Variants in ARHGAP6 observed in about 807,000 individuals in gnomAD.
ARHGAP6 encodes the protein Rho GTPase activating protein 6.
ARHGAP6 carries 16 observed loss-of-function variants against 55.7 expected under a neutral mutation model. That is an observed-to-expected ratio of 0.29 (90% CI 0.19 to 0.44). The LOEUF (loss-of-function observed/expected upper bound fraction) is 0.44, where lower values mean the gene tolerates loss of function less well. Among genes scored for constraint, ARHGAP6 ranks in the 20% least tolerant of loss-of-function variants. The pLI is 1.00. For synonymous variants in ARHGAP6, 382 were observed against 360.9 expected (o/e 1.06, Z -0.66); for missense variants, 698 against 808.9 (o/e 0.86, Z 1.66).
chrX:11,347,513 T>C (rs2048804399), intron 1 of ARHGAP6, among the ~76,000 whole-genome samples: 1 of 112,305 alleles, frequency 8.9e-6, no homozygotes, highest in South Asian at 3.7e-4. Flanking sequence ...GCTATGGTTG[T>C]CAAGGCAACT....
intron 1 of ARHGAP6, among the ~76,000 whole-genome samples, chrX:11,272,128 C>T (rs749423127): frequency 5.0e-4 from 56 of 111,890 alleles, no homozygotes; most frequent in Non-Finnish European, 3.4e-4. Flanking sequence ...ACTAGCCACC[C>T]GTGGCTAATG....
intron 1 of ARHGAP6, chrX:11,298,911 A>G (rs1428484827): frequency 1.7e-6 from 2 of 1,208,630 alleles, no homozygotes; most frequent in African/African-American, 1.8e-5. Flanking sequence ...CCTGCCTCCC[A>G]TGCTTCCTGA....
intron 1 of ARHGAP6, chrX:11,296,915 A>T (rs1278714205): frequency 2.7e-5 from 29 of 1,090,306 alleles, no homozygotes; most frequent in Non-Finnish European, 3.6e-5. Context: ...TCTTTATCCC[A>T]GATGTTTCTC....
At chrX:11,436,029 T>TC (rs1249850141) in intron 1 of ARHGAP6, among the ~76,000 whole-genome samples, 1 of 112,467 alleles carries the variant, frequency 8.9e-6, no homozygotes, top group East Asian at 2.8e-4. Context: ...CAAAATTTTT[T>TC]CTCACATTAA....
At chrX:11,397,009 G>A (rs1040539850) in intron 1 of ARHGAP6, among the ~76,000 whole-genome samples, 1 of 111,345 alleles carries the variant, frequency 9.0e-6, no homozygotes, top group Non-Finnish European at 1.9e-5. Context: ...CCAAGTAGAT[G>A]AGTATAGGTT....
In ARHGAP6 at chrX:11,500,627, C is replaced by T. The variant is rs776678036; in HGVS notation, c.588+163614G>A. 3.1e-5 allele frequency among the ~76,000 whole-genome samples: 3 copies of T among 96,915 alleles called. No individual in the cohort carries two copies. In the South Asian group the frequency reaches 1.6e-3, roughly 50 times the overall value. 84.2% of individuals were successfully genotyped at this position (96,915 alleles called of 115,157 possible). A position where few individuals can be genotyped will look rare whatever the true frequency, so the allele number is the denominator to read the frequency against. On this transcript the variant is annotated intron_variant, in intron 1 of 12. Transcript: ENST00000337414. ...AGTTAGCCGAGCCGAGATGGCACCA[C>T]TGCACTGTACCCCGGGAAACAGAGC...
At chrX:11,519,982 C>T (rs2147876243) in intron 1 of ARHGAP6, among the ~76,000 whole-genome samples, 1 of 94,688 alleles carries the variant, frequency 1.1e-5, no homozygotes, top group East Asian at 3.4e-4. Context: ...CCAAAATTGA[C>T]AAATGGGATC....
At chrX:11,355,072 T>C (rs2048915915) in intron 1 of ARHGAP6, among the ~76,000 whole-genome samples, 1 of 112,097 alleles carries the variant, frequency 8.9e-6, no homozygotes, top group East Asian at 2.8e-4. Context: ...AGTTTAATTC[T>C]GTGAAAAGGA....
At chrX:11,426,899 G>A (rs2049885967) in intron 1 of ARHGAP6, among the ~76,000 whole-genome samples, 1 of 110,379 alleles carries the variant, frequency 9.1e-6, no homozygotes, top group African/African-American at 3.3e-5. Flanking sequence ...CTGGCACACA[G>A]TAGGTCCCCA....
chrX:11,253,278 A>G (rs1432088729), intron 2 of ARHGAP6, among the ~76,000 whole-genome samples: 1 of 110,679 alleles, frequency 9.0e-6, no homozygotes, highest in African/African-American at 3.3e-5. Context: ...CTGCTTGAGA[A>G]CCACCTATTT....
intron 1 of ARHGAP6, among the ~76,000 whole-genome samples, chrX:11,592,894 G>C (rs140270628): frequency 2.4e-3 from 272 of 111,476 alleles, no homozygotes; most frequent in Non-Finnish European, 3.9e-3. Flanking sequence ...GCCAGAAGAT[G>C]ACCCTCACTA....
intron 1 of ARHGAP6, among the ~76,000 whole-genome samples, chrX:11,516,710 T>C (rs1016290393): frequency 8.9e-6 from 1 of 112,377 alleles, no homozygotes; most frequent in African/African-American, 3.2e-5. Flanking sequence ...TTGATATTTC[T>C]TTTGAAACAT....
intron 1 of ARHGAP6, among the ~76,000 whole-genome samples, chrX:11,623,629 G>A (rs1269396721): frequency 4.7e-5 from 5 of 106,261 alleles, no homozygotes; most frequent in Non-Finnish European, 9.7e-5. Context: ...CCCGGGAGGC[G>A]GAGCTTGCAG....
chrX:11,276,035 C>G (rs1332813844), intron 1 of ARHGAP6, among the ~76,000 whole-genome samples: 1 of 111,701 alleles, frequency 9.0e-6, no homozygotes, highest in Non-Finnish European at 1.9e-5. Context: ...TTAAAGAAGG[C>G]GAATCTGCTT....
intron 2 of ARHGAP6, among the ~76,000 whole-genome samples, chrX:11,252,489 A>G (rs2047436821): frequency 8.9e-6 from 1 of 112,460 alleles, no homozygotes. Flanking sequence ...GTAAGGCAGG[A>G]GGGCGTTTCT....
intron 1 of ARHGAP6, among the ~76,000 whole-genome samples, chrX:11,289,225 T>C (rs922037607): frequency 9.1e-6 from 1 of 109,801 alleles, no homozygotes; most frequent in Non-Finnish European, 1.9e-5. Flanking sequence ...AAATCGTGTG[T>C]TTTTTTTTGT....
At chrX:11,382,619 AAAT>A (rs1231075716) in intron 1 of ARHGAP6, among the ~76,000 whole-genome samples, 1 of 111,751 alleles carries the variant, frequency 8.9e-6, no homozygotes, top group African/African-American at 3.3e-5. Flanking sequence ...GTTACATATA[AAAT>A]AATAATGCAG....
intron 1 of ARHGAP6, among the ~76,000 whole-genome samples, chrX:11,258,636 C>T (rs1053945091): frequency 9.0e-6 from 1 of 111,558 alleles, no homozygotes; most frequent in South Asian, 3.7e-4. Flanking sequence ...CAAATGACTA[C>T]AGTTAGCATA....
intron 1 of ARHGAP6, among the ~76,000 whole-genome samples, chrX:11,378,172 C>T: frequency 8.9e-6 from 1 of 112,460 alleles, no homozygotes; most frequent in Admixed American, 9.3e-5. Context: ...CCTCCAGGGA[C>T]TATGGAACAT....
Sources: allele counts gnomAD v4.1 joint callset (sites outside exome capture counted in the v4.1 genomes callset), GRCh38; gene constraint gnomAD v4.1.1; transcripts MANE v1.5; gene names NCBI Gene and HGNC (gene_info 2026-07-23, HGNC 2026-07-21).